The following INTU variants were observed in gnomAD, a reference collection of about 807,000 sequenced individuals.
INTU encodes protein inturned.
Under a neutral mutation model 100.5 loss-of-function variants are expected in INTU, and 68 were observed. The observed-to-expected ratio is 0.68, with a 90% CI of 0.56 to 0.83. The LOEUF (loss-of-function observed/expected upper bound fraction) is 0.83, where lower values mean the gene tolerates loss of function less well. Ranked by LOEUF, INTU falls within the 40% of genes least tolerant of loss-of-function variation. INTU has a pLI of 0.00. For missense variants in INTU, 1,071 were observed against 1,114.7 expected, an observed-to-expected ratio of 0.96 and a Z score of 0.56; for synonymous variants, 357 against 395.7, an observed-to-expected ratio of 0.90 and a Z score of 1.16.
chr4:127,670,158 C>A (rs1728858708), intron 5 of INTU, among the ~76,000 whole-genome samples: 1 of 151,414 alleles, frequency 6.6e-6, no homozygotes, highest in South Asian at 2.1e-4. Flanking sequence ...TGTTTTTTTT[C>A]ATAAAATAAA....
At position 127,633,141 on chromosome 4, in the gene INTU, G is replaced by C. The variant is rs536665382; in HGVS notation, c.107G>C (p.Ser36Thr). 24 of 1,614,030 alleles carry C rather than the reference G, an allele frequency of 1.5e-5. 1 individual carries two copies. In the African/African-American group the frequency reaches 1.6e-4, roughly 11 times the overall value. The change falls in exon 1 of 16, where the codon AGC becomes ACC. Residue 36 changes from serine to threonine, a missense_variant. Coordinates refer to ENST00000335251, the MANE Select transcript of INTU (RefSeq NM_015693.4). ...GACTATGATTTTGAAGATCGGGTCA[G>C]CGACTCGGGTTCATATTCCTCAGCG... ...DEDYDFEDRVSDSGSYSSASS... is the reference protein window; with the variant it reads ...DEDYDFEDRVTDSGSYSSASS...
chr4:127,662,475 A>G (rs1182029362), intron 3 of INTU, among the ~76,000 whole-genome samples: 1 of 152,092 alleles, frequency 6.6e-6, no homozygotes, highest in Admixed American at 6.6e-5. Context: ...TCATTCTTCT[A>G]TGTGTGGCTA....
At chr4:127,657,055 G>A (rs1728263279) in intron 3 of INTU, among the ~76,000 whole-genome samples, 1 of 152,008 alleles carries the variant, frequency 6.6e-6, no homozygotes, top group Admixed American at 6.6e-5. Flanking sequence ...TAAATAGTCA[G>A]GGAGTTTTCT....
At chr4:127,695,210 AT>A (rs1730329570) in intron 8 of INTU, among the ~76,000 whole-genome samples, 1 of 152,228 alleles carries the variant, frequency 6.6e-6, no homozygotes, top group Non-Finnish European at 1.5e-5. Context: ...ACTTTGTTAA[AT>A]TTATAACTAA....
chr4:127,687,571 A>C, intron 7 of INTU, 107 bp from the exon 8 acceptor site: 1 of 778,720 alleles, frequency 1.3e-6, no homozygotes, highest in Non-Finnish European at 2.1e-6. Flanking sequence ...GAGAGGAGTG[A>C]GGAAGATAGC....
intron 6 of INTU, chr4:127,676,009 A>G (rs1729159095): frequency 5.2e-6 from 1 of 190,488 alleles, no homozygotes; most frequent in East Asian, 1.5e-4. Context: ...TACCATCACA[A>G]ACAGGAATTC....
chr4:127,641,013 C>T (rs1270534147), intron 1 of INTU, among the ~76,000 whole-genome samples: 1 of 29,876 alleles, frequency 3.3e-5, no homozygotes, highest in African/African-American at 1.9e-4. Context: ...ACATGAATCC[C>T]TCTCTCTCTC....
chr4:127,634,843 G>A (rs770473611), intron 1 of INTU, among the ~76,000 whole-genome samples: 4 of 152,198 alleles, frequency 2.6e-5, no homozygotes, highest in African/African-American at 4.8e-5. Context: ...GCTTATGTTC[G>A]GTTCTTCCCT....
In INTU at chr4:127,718,527, A is replaced by C. The variant is rs1375153309; in HGVS notation, c.*2091A>C. ...TTTTTCTAATTCTATGAAGAATATCAATGGTAGTTTAATGGGAATAACATT... is the reference window on the plus strand; with the variant it reads ...TTTTTCTAATTCTATGAAGAATATCCATGGTAGTTTAATGGGAATAACATT... On this transcript the variant is annotated 3_prime_UTR_variant, in exon 16 of 16. Coordinates refer to ENST00000335251, the MANE Select transcript of INTU (RefSeq NM_015693.4). The C allele has an allele frequency of 6.6e-6, 1 of 152,166 alleles. No homozygotes were observed. Among genetic ancestry groups the C allele is most frequent in the Non-Finnish European group, 1.5e-5 (1 of 68,028 alleles). 9.4% of individuals were successfully genotyped at this position (152,166 alleles called of 1,614,324 possible).
chr4:127,640,574 TATATATATATATATATACATATAC>T (rs1164979450), intron 1 of INTU, among the ~76,000 whole-genome samples: 4 of 72,552 alleles, frequency 5.5e-5, no homozygotes, highest in African/African-American at 2.4e-4. Context: ...TATATATATA[TATATATATATATATATACATATAC>T]ATAAACACAC....
Position 127,633,028 on chromosome 4 carries a change from C to G in INTU, c.-7C>G. ...TTACTCCACTCGTAGCTATTGCATT[C>G]CTGACGATGGCCTCTGTGGCTTCGT... On this transcript the variant is annotated 5_prime_UTR_variant, in exon 1 of 16. Coordinates refer to ENST00000335251, the MANE Select transcript of INTU (RefSeq NM_015693.4). 6.2e-7 allele frequency: 1 copy of G among 1,611,134 alleles called. No individual in the cohort carries two copies. Among genetic ancestry groups the G allele is most frequent in the African/African-American group, 1.3e-5 (1 of 75,012 alleles).
intron 4 of INTU, among the ~76,000 whole-genome samples, chr4:127,664,892 A>T (rs944120385): frequency 6.6e-6 from 1 of 151,798 alleles, no homozygotes; most frequent in East Asian, 1.9e-4. Context: ...AAAAATTTCT[A>T]CTGGAACTGC....
intron 6 of INTU, among the ~76,000 whole-genome samples, chr4:127,677,323 C>G (rs1354601634): frequency 6.6e-6 from 1 of 151,698 alleles, no homozygotes; most frequent in African/African-American, 2.4e-5. Context: ...ACCCCTGACC[C>G]CCGAGCAGCC....
At chr4:127,658,762 A>G (rs1728346939) in intron 3 of INTU, among the ~76,000 whole-genome samples, 1 of 152,214 alleles carries the variant, frequency 6.6e-6, no homozygotes, top group South Asian at 2.1e-4. Flanking sequence ...GAAAGAAATT[A>G]GGATTTAATA....
chr4:127,715,781 G>T (rs1350231457), intron 15 of INTU, among the ~76,000 whole-genome samples: 1 of 152,312 alleles, frequency 6.6e-6, no homozygotes, highest in South Asian at 2.1e-4. Context: ...TTATGCAGAA[G>T]AGAAATTTAA....
chr4:127,668,294 C>T (rs1053730827), intron 4 of INTU, among the ~76,000 whole-genome samples: 4 of 151,692 alleles, frequency 2.6e-5, no homozygotes, highest in Non-Finnish European at 5.9e-5. Context: ...ATCTGTTTCC[C>T]GGGACATGCT....
intron 6 of INTU, chr4:127,676,168 G>C (rs751828687): frequency 1.3e-5 from 2 of 155,404 alleles, no homozygotes; most frequent in African/African-American, 2.4e-5. Flanking sequence ...TACTAGATGA[G>C]GGCACTCTTT....
intron 3 of INTU, among the ~76,000 whole-genome samples, chr4:127,662,656 A>C (rs879681308): frequency 3.3e-5 from 5 of 152,172 alleles, no homozygotes; most frequent in Non-Finnish European, 5.9e-5. Context: ...CCCAACCCCC[A>C]GGCCACAGAC....
intron 4 of INTU, among the ~76,000 whole-genome samples, chr4:127,667,726 G>A (rs564897013): frequency 7.9e-5 from 12 of 152,060 alleles, no homozygotes; most frequent in South Asian, 6.2e-4. Context: ...TTAATTTCTA[G>A]ATATAAAATA....
Sources: gnomAD v4.1 joint callset for allele counts (sites outside exome capture counted in the v4.1 genomes callset) on GRCh38, gnomAD v4.1.1 for gene constraint, MANE v1.5 for transcripts, NCBI Gene and HGNC (gene_info 2026-07-23, HGNC 2026-07-21) for gene names.